Variants in MYT1L observed in about 807,000 individuals in gnomAD.
The protein encoded by MYT1L is myelin transcription factor 1-like protein.
Under a neutral mutation model 126.7 loss-of-function variants are expected in MYT1L, and 12 were observed. The ratio of observed to expected loss-of-function variants is 0.09; its 90% confidence interval spans 0.06 to 0.15. MYT1L has a LOEUF of 0.15. Ranked by LOEUF, MYT1L falls within the 10% of genes least tolerant of loss-of-function variation. MYT1L has a pLI of 1.00. For missense variants in MYT1L, 979 were observed against 1,585.2 expected, an observed-to-expected ratio of 0.62 and a Z score of 6.49; for synonymous variants, 541 against 604.2, an observed-to-expected ratio of 0.90 and a Z score of 1.53.
chr2:2,256,432 A>C (rs2094815234), intron 2 of MYT1L, among the ~76,000 whole-genome samples: 1 of 152,188 alleles, frequency 6.6e-6, no homozygotes, highest in Non-Finnish European at 1.5e-5. Context: ...CCATATCCTC[A>C]CAATTCCGTA....
At chr2:1,883,375 G>T (rs770070908) in intron 18 of MYT1L, among the ~76,000 whole-genome samples, 2 of 152,190 alleles carry the variant, frequency 1.3e-5, no homozygotes, top group African/African-American at 2.4e-5. Flanking sequence ...CTGGCTGGGA[G>T]AATATGGTTC....
At chr2:1,857,539 CT>C (rs1558775085) in intron 18 of MYT1L, among the ~76,000 whole-genome samples, 1 of 152,118 alleles carries the variant, frequency 6.6e-6, no homozygotes, top group Non-Finnish European at 1.5e-5. Context: ...TTTCATGTGT[CT>C]TTTTTCATTC....
chr2:1,904,956 G>A (rs1003240870), intron 13 of MYT1L, among the ~76,000 whole-genome samples: 1 of 147,968 alleles, frequency 6.8e-6, no homozygotes, highest in Non-Finnish European at 1.5e-5. Context: ...ACTGTGCCCA[G>A]CTAATTTTTT....
chr2:2,017,484 C>T (rs1209206052), intron 4 of MYT1L, among the ~76,000 whole-genome samples: 2 of 152,194 alleles, frequency 1.3e-5, no homozygotes, highest in Non-Finnish European at 2.9e-5. Flanking sequence ...TTGCAGGTTC[C>T]CCCTTCATAC....
At chr2:2,003,986 CAA>C (rs2062721290) in intron 4 of MYT1L, among the ~76,000 whole-genome samples, 4 of 150,652 alleles carry the variant, frequency 2.7e-5, no homozygotes, top group African/African-American at 9.8e-5. Context: ...TTCTTTCCTG[CAA>C]GCGTTCTTTC....
chr2:2,244,619 C>T (rs576887613), intron 2 of MYT1L, among the ~76,000 whole-genome samples: 10 of 152,298 alleles, frequency 6.6e-5, no homozygotes, highest in East Asian at 5.8e-4. Flanking sequence ...GCTGAACTAT[C>T]GGAAATGAGA....
At chr2:1,914,931 CT>C (rs1158356453) in intron 11 of MYT1L, among the ~76,000 whole-genome samples, 1 of 152,228 alleles carries the variant, frequency 6.6e-6, no homozygotes, top group East Asian at 1.9e-4. Context: ...CACAGGACAG[CT>C]GGAGCATCAC....
chr2:1,836,310 C>A (rs1442251632), intron 21 of MYT1L, among the ~76,000 whole-genome samples: 1 of 150,462 alleles, frequency 6.6e-6, no homozygotes, highest in East Asian at 2.0e-4. Context: ...GCCTGCCCCC[C>A]CAAGATTCCA....
intron 1 of MYT1L, chr2:2,323,964 G>A (rs1018169687): frequency 1.3e-5 from 2 of 152,118 alleles, no homozygotes; most frequent in Admixed American, 6.5e-5. Flanking sequence ...ATTGAATAAT[G>A]GCTGCTGTAA....
At chr2:2,067,720 A>G (rs2074047866) in intron 3 of MYT1L, among the ~76,000 whole-genome samples, 1 of 152,210 alleles carries the variant, frequency 6.6e-6, no homozygotes, top group African/African-American at 2.4e-5. Context: ...TAATATTAAA[A>G]ATTTGTTCAT....
chr2:1,977,132 T>C (rs905069408), intron 8 of MYT1L, among the ~76,000 whole-genome samples: 1 of 152,218 alleles, frequency 6.6e-6, no homozygotes, highest in African/African-American at 2.4e-5. Context: ...TTTAAAAAAT[T>C]AAGCAAAAGT....
intron 2 of MYT1L, among the ~76,000 whole-genome samples, chr2:2,185,187 A>C (rs963952770): frequency 4.6e-5 from 7 of 152,200 alleles, no homozygotes; most frequent in African/African-American, 1.7e-4. Context: ...TCCTTATAAA[A>C]GGCCTAGACT....
Position 1,839,136 on chromosome 2 carries a change from C to A in MYT1L, c.3080+13G>T. 1 of 1,598,138 alleles carries A rather than the reference C, an allele frequency of 6.3e-7. No individual in the cohort carries two copies. ...ACCATCCCAGCCAGGGTCCCGCAGA[C>A]GCGGCCACTCACCTGCGGTGTGTGA... On this transcript the variant is annotated intron_variant, in intron 21 of 24. Coordinates refer to ENST00000647738, the MANE Select transcript of MYT1L (RefSeq NM_001303052.2).
At position 1,841,004 on chromosome 2, in the gene MYT1L, C is replaced by T. The variant is rs571567746; in HGVS notation, c.2775-161G>A. On this transcript the variant is annotated intron_variant, in intron 19 of 24. Transcript: ENST00000647738. Reference sequence around the variant, plus strand: ...CTGCAAGCTCCGCCTCCCGGGTTCACGCCATTCTCCTGCCTCAGCCTCCCA... The same window carrying T: ...CTGCAAGCTCCGCCTCCCGGGTTCATGCCATTCTCCTGCCTCAGCCTCCCA... The T allele has an allele frequency of 9.5e-5, 52 of 548,560 alleles. No individual in the cohort carries two copies. The East Asian group carries it at 1.5e-3, about 16-fold the overall frequency. The allele number at this position is 548,560 out of a possible 1,614,324, so 34.0% of individuals were successfully genotyped here.
rs190666494 is a variant in MYT1L, at chr2:1,911,186, T to C, written c.1709+834A>G. Among the ~76,000 whole-genome samples, 4 of 152,282 alleles carry C rather than the reference T, an allele frequency of 2.6e-5. No individual in the cohort carries two copies. In the East Asian group the frequency reaches 7.7e-4, roughly 29 times the overall value. Reference sequence around the variant, plus strand: ...TTCCTGCTTCTGCAGATTAAACACCTGAATGTCTCTGGAGGGCACAGTGGT... The same window carrying C: ...TTCCTGCTTCTGCAGATTAAACACCCGAATGTCTCTGGAGGGCACAGTGGT... On this transcript the variant is annotated intron_variant, in intron 12 of 24. Transcript: ENST00000647738.
rs1329954929 is a variant in MYT1L at position 1,987,651 on chromosome 2, G to A, written c.1-7874C>T. 3.9e-5 allele frequency among the ~76,000 whole-genome samples: 6 copies of A among 152,234 alleles called. No homozygotes were observed. The East Asian group carries it at 5.8e-4, about 15-fold the overall frequency. On this transcript the variant is annotated intron_variant, in intron 5 of 24. Transcript: ENST00000647738. ...CCTAGCAACAGTGAGCTGAGGCTGC[G>A]TGGGGAGTGCAGGTGCTCCCTGGGT...
chr2:2,260,115 G>A (rs756042284), intron 2 of MYT1L, among the ~76,000 whole-genome samples: 13 of 152,202 alleles, frequency 8.5e-5, no homozygotes, highest in South Asian at 4.1e-4. Flanking sequence ...TGCACTCACC[G>A]AGCACGGAGA....
intron 3 of MYT1L, among the ~76,000 whole-genome samples, chr2:2,068,465 G>T (rs2150207775): frequency 6.6e-6 from 1 of 152,244 alleles, no homozygotes; most frequent in Admixed American, 6.5e-5. Context: ...TTCCTGCAAA[G>T]AATTCACGGG....
At chr2:1,815,701 C>T (rs1301843098) in intron 21 of MYT1L, among the ~76,000 whole-genome samples, 2 of 152,250 alleles carry the variant, frequency 1.3e-5, no homozygotes. Flanking sequence ...CCATGCCCTG[C>T]CCCCAGAACT....
Sources: gnomAD v4.1 joint callset for allele counts (sites outside exome capture counted in the v4.1 genomes callset) on GRCh38, gnomAD v4.1.1 for gene constraint, MANE v1.5 for transcripts, NCBI Gene and HGNC (gene_info 2026-07-23, HGNC 2026-07-21) for gene names.